The following TRMT11 variants were observed in gnomAD, a reference collection of about 807,000 sequenced individuals.
TRMT11 encodes the protein tRNA methyltransferase 11, also known as tRNA (guanine(10)-N(2))-methyltransferase TRMT11.
TRMT11 carries 53 observed loss-of-function variants against 62.8 expected under a neutral mutation model. The ratio of observed to expected loss-of-function variants is 0.84; its 90% CI spans 0.68 to 1.06. TRMT11 has a LOEUF of 1.06. Ranked by LOEUF, TRMT11 falls within the 50% of genes least tolerant of loss-of-function variation. The probability of loss-of-function intolerance (pLI) is 0.00; values close to 1 mark genes in which losing one functional copy is unlikely to be tolerated. For synonymous variants in TRMT11, 188 were observed against 190.3 expected, an observed-to-expected ratio of 0.99 and a Z score of 0.10; for missense variants, 556 against 553.4, an observed-to-expected ratio of 1.00 and a Z score of -0.05.
downstream of TRMT11, among the ~76,000 whole-genome samples, chr6:126,203,916 ATT>A (rs1017183339): frequency 1.1e-4 from 15 of 137,788 alleles, no homozygotes; most frequent in African/African-American, 4.1e-4. Flanking sequence ...TGGGATCATC[ATT>A]TTGTGTGTGT....
chr6:126,138,572 C>A (rs376987656), intron 21 of TRMT11, among the ~76,000 whole-genome samples: 42 of 152,076 alleles, frequency 2.8e-4, no homozygotes, highest in African/African-American at 8.9e-4. Context: ...ATGAATCATC[C>A]TCAGAGATTT....
chr6:126,198,177 G>A (rs754429500), intron 1 of TRMT11, among the ~76,000 whole-genome samples: 26 of 152,048 alleles, frequency 1.7e-4, no homozygotes, highest in Middle Eastern at 3.2e-3. Flanking sequence ...AGCCTGATGG[G>A]TTATAAGTCC....
chr6:126,115,182 C>A (rs1217674639), intron 19 of TRMT11, among the ~76,000 whole-genome samples: 1 of 152,078 alleles, frequency 6.6e-6, no homozygotes, highest in Non-Finnish European at 1.5e-5. Flanking sequence ...AGAGTGCCTT[C>A]AAGGCAGAGG....
chr6:126,087,543 CTTTGTT>C (rs1777228835), intron 17 of TRMT11, among the ~76,000 whole-genome samples: 1 of 152,166 alleles, frequency 6.6e-6, no homozygotes, highest in African/African-American at 2.4e-5. Flanking sequence ...AGGATTGCTT[CTTTGTT>C]TTTGTTTTTC....
rs776018168 is a variant in TRMT11 at position 126,013,092 on chromosome 6, A to G, written c.1130A>G (p.Tyr377Cys). The change falls in exon 11 of 13, where the codon TAT becomes TGT. Residue 377 changes from tyrosine (Y) to cysteine (C), a missense_variant. Transcript: ENST00000334379. Reference protein sequence around the residue: ...GGRLVYWLPVYTPEYTEEMVP... With the variant: ...GGRLVYWLPVCTPEYTEEMVP... ...AGACTAGTCTATTGGTTACCGGTGTATACGCCAGAGTATGTAATCTTAATT... is the reference window on the plus strand; with the variant it reads ...AGACTAGTCTATTGGTTACCGGTGTGTACGCCAGAGTATGTAATCTTAATT... 7.4e-6 allele frequency: 12 copies of G among 1,612,778 alleles called. No homozygotes were observed. Among genetic ancestry groups the G allele is most frequent in the South Asian group, 5.5e-5 (5 of 90,798 alleles).
At chr6:126,095,244 C>A (rs1219187744) in intron 17 of TRMT11, among the ~76,000 whole-genome samples, 2 of 152,134 alleles carry the variant, frequency 1.3e-5, no homozygotes, top group East Asian at 1.9e-4. Context: ...ATTTAAGCAA[C>A]CAATCTTCCC....
At chr6:126,073,934 G>A (rs1031201034) in intron 17 of TRMT11, among the ~76,000 whole-genome samples, 5 of 152,008 alleles carry the variant, frequency 3.3e-5, no homozygotes, top group Admixed American at 6.6e-5. Context: ...AAGGAGAAGC[G>A]CCCAGCAAAG....
intron 17 of TRMT11, among the ~76,000 whole-genome samples, chr6:126,096,799 C>G (rs1328268696): frequency 6.6e-6 from 1 of 152,172 alleles, no homozygotes; most frequent in Admixed American, 6.5e-5. Flanking sequence ...TACCAGGAAT[C>G]TGTCTCTTGC....
chr6:126,060,861 T>G (rs1776516458), intron 17 of TRMT11, among the ~76,000 whole-genome samples: 1 of 152,244 alleles, frequency 6.6e-6, no homozygotes, highest in Non-Finnish European at 1.5e-5. Context: ...TTGTTTGCTT[T>G]TAGATCAGAG....
intron 12 of TRMT11, among the ~76,000 whole-genome samples, chr6:126,037,530 T>A (rs943357471): frequency 6.6e-6 from 1 of 152,088 alleles, no homozygotes; most frequent in African/African-American, 2.4e-5. Flanking sequence ...AACTGTAATA[T>A]ACTTGGGTGC....
chr6:126,021,019 A>G lies in TRMT11; in HGVS notation c.1140-141A>G, dbSNP rs553153144. 13 of 930,116 alleles carry G rather than the reference A, an allele frequency of 1.4e-5. No homozygotes were observed. In the East Asian group the frequency reaches 3.2e-4, roughly 23 times the overall value. 57.6% of individuals were successfully genotyped at this position (930,116 alleles called of 1,614,324 possible). ...AAGCTACTTTGCTTATAGATAGTTT[A>G]TGGATCATGTGGACAGTTAGCATAT... On this transcript the variant is annotated intron_variant, in intron 11 of 12. Coordinates refer to ENST00000334379, the MANE Select transcript of TRMT11 (RefSeq NM_001031712.3).
intron 2 of TRMT11, 50 bp downstream of exon 2, chr6:125,993,872 C>T: frequency 8.7e-7 from 1 of 1,149,818 alleles, no homozygotes; most frequent in South Asian, 1.4e-5. Context: ...GAAATAGAGC[C>T]TTGGGTTTGA....
the TRMT11 span, among the ~76,000 whole-genome samples, chr6:126,251,234 T>C: frequency 1.3e-5 from 2 of 151,996 alleles, no homozygotes; most frequent in South Asian, 2.1e-4. Flanking sequence ...TTTCACCATG[T>C]TGGCCAGGCT....
intron 21 of TRMT11, among the ~76,000 whole-genome samples, chr6:126,144,128 T>C (rs1024580097): frequency 2.0e-5 from 3 of 152,222 alleles, no homozygotes; most frequent in African/African-American, 7.2e-5. Context: ...TTTCACGGTC[T>C]GGTGCTCCTG....
chr6:126,239,655 T>A, the TRMT11 span, among the ~76,000 whole-genome samples: 1 of 152,196 alleles, frequency 6.6e-6, no homozygotes, highest in Non-Finnish European at 1.5e-5. Context: ...TTCCTTCATT[T>A]CAACTTTGGT....
downstream of TRMT11, among the ~76,000 whole-genome samples, chr6:126,040,836 G>A (rs757630536): frequency 2.0e-5 from 3 of 152,026 alleles, no homozygotes; most frequent in Non-Finnish European, 4.4e-5. Flanking sequence ...CCTCCTTCCC[G>A]TCTATTCTGG....
At chr6:126,108,529 T>G (rs1387688873) in intron 17 of TRMT11, among the ~76,000 whole-genome samples, 1 of 152,190 alleles carries the variant, frequency 6.6e-6, no homozygotes, top group Non-Finnish European at 1.5e-5. Flanking sequence ...GTAAGTAGTA[T>G]TATCACACTC....
intron 17 of TRMT11, among the ~76,000 whole-genome samples, chr6:126,074,173 TC>T (rs1395015628): frequency 1.3e-5 from 2 of 152,214 alleles, no homozygotes; most frequent in Admixed American, 1.3e-4. Context: ...TCAGTATTTC[TC>T]CTTAACAAAT....
chr6:126,091,997 G>T (rs947366916), intron 17 of TRMT11, among the ~76,000 whole-genome samples: 1 of 152,154 alleles, frequency 6.6e-6, no homozygotes, highest in South Asian at 2.1e-4. Flanking sequence ...CATCACCTAC[G>T]TCTACGAGTC....
Sources: allele counts gnomAD v4.1 joint callset (sites outside exome capture counted in the v4.1 genomes callset), GRCh38; gene constraint gnomAD v4.1.1; transcripts MANE v1.5; gene names NCBI Gene and HGNC (gene_info 2026-07-23, HGNC 2026-07-21).